Variants in HEPH observed in about 807,000 individuals in gnomAD.
The protein encoded by HEPH is hephaestin.
Under a neutral mutation model 80.8 loss-of-function variants are expected in HEPH, and 69 were observed. That is an observed-to-expected ratio of 0.85 (90% CI 0.70 to 1.04). The LOEUF is 1.04. HEPH is among the 50% of genes least tolerant of loss of function. The pLI is 0.00. For synonymous variants in HEPH, 431 were observed against 322.8 expected, an observed-to-expected ratio of 1.34 and a Z score of -3.60; for missense variants, 1,115 against 891.3, an observed-to-expected ratio of 1.25 and a Z score of -3.20.
intron 15 of HEPH, among the ~76,000 whole-genome samples, chrX:66,249,911 G>A (rs1023061414): frequency 9.0e-6 from 1 of 111,571 alleles, no homozygotes. Flanking sequence ...TGGTGAAGGG[G>A]ATGCATTGTG....
At chrX:66,246,353 T>C (rs1276817468) in intron 15 of HEPH, among the ~76,000 whole-genome samples, 1 of 111,661 alleles carries the variant, frequency 9.0e-6, no homozygotes, top group East Asian at 2.8e-4. Context: ...AGATGTTGGC[T>C]GAGTTTAGGT....
intron 15 of HEPH, among the ~76,000 whole-genome samples, chrX:66,217,158 C>A (rs1427328343): frequency 9.0e-6 from 1 of 111,033 alleles, no homozygotes; most frequent in Non-Finnish European, 1.9e-5. Context: ...GATCTAGACA[C>A]CCCAAAACAG....
intron 17 of HEPH, among the ~76,000 whole-genome samples, chrX:66,258,090 T>C (rs1458611402): frequency 1.8e-5 from 2 of 112,105 alleles, no homozygotes; most frequent in Non-Finnish European, 3.8e-5. Flanking sequence ...GTCTACTGGG[T>C]GTTCTGAGAA....
Position 66,256,185 on chromosome X carries a change from G to A in HEPH, c.2751G>A (p.Met917Ile). Residue 917 changes from methionine to isoleucine, a missense_variant, in exon 17 of 21, where the codon ATG becomes ATA. This residue lies in a region of HEPH where 716 missense variants were observed against 523.5 expected (regional missense o/e 1.37). Transcript: ENST00000343002. The stretch of plus-strand genomic sequence containing the variant: ...AGCCCCATGGAGGACGGAGTGACAT[G>A]GATCGGGAATTTGCATTGTTGTTCT... ...ILEPHGGRSDMDREFALLFLI... is the reference protein window; with the variant it reads ...ILEPHGGRSDIDREFALLFLI... 8.3e-7 allele frequency: 1 copy of A among 1,211,556 alleles called. No individual in the cohort carries two copies. Among genetic ancestry groups the A allele is most frequent in the Non-Finnish European group, 1.1e-6 (1 of 895,255 alleles).
intron 12 of HEPH, among the ~76,000 whole-genome samples, chrX:66,202,816 G>T (rs978559171): frequency 9.4e-6 from 1 of 106,889 alleles, no homozygotes; most frequent in East Asian, 2.9e-4. Context: ...GTGTTTAATT[G>T]TAAAACAACC....
At chrX:66,239,484 A>T (rs1297854949) in intron 15 of HEPH, among the ~76,000 whole-genome samples, 1 of 112,071 alleles carries the variant, frequency 8.9e-6, no homozygotes, top group African/African-American at 3.2e-5. Flanking sequence ...AGTGTTTATA[A>T]ATGGTTAAGA....
chrX:66,179,848 C>A (rs1416120414), intron 4 of HEPH, among the ~76,000 whole-genome samples: 1 of 111,635 alleles, frequency 9.0e-6, no homozygotes, highest in Non-Finnish European at 1.9e-5. Context: ...CTCTTTGTCT[C>A]TTTTAACTGT....
chrX:66,226,972 A>G (rs538466683), intron 15 of HEPH, among the ~76,000 whole-genome samples: 1 of 111,610 alleles, frequency 9.0e-6, no homozygotes, highest in South Asian at 3.8e-4. Context: ...CCAGGAAAGG[A>G]CACAACAAAA....
intron 15 of HEPH, among the ~76,000 whole-genome samples, chrX:66,214,652 A>G (rs2147890824): frequency 9.0e-6 from 1 of 111,421 alleles, no homozygotes; most frequent in South Asian, 3.8e-4. Flanking sequence ...CAAATCTGTA[A>G]TCAGACCAGA....
At position 66,256,128 on chromosome X, in the gene HEPH, G is replaced by A. The variant is rs149935369; in HGVS notation, c.2694G>A (p.Gly898=). The A allele has an allele frequency of 4.1e-5, 49 of 1,208,484 alleles. No individual in the cohort carries two copies. In the African/African-American group the frequency reaches 7.7e-4, roughly 19 times the overall value. The change falls in exon 17 of 21, where the codon GGG becomes GGA. Residue 898 remains glycine, a synonymous_variant. Transcript: ENST00000343002. The part of the protein sequence containing the change: ...PIKDMYSGLV[G]PLAICQKGIL... ...AGGACATGTATAGTGGCCTGGTGGG[G>A]CCCTTGGCTATCTGCCAAAAGGGCA...
At chrX:66,229,373 T>G (rs2090026252) in intron 15 of HEPH, among the ~76,000 whole-genome samples, 1 of 111,907 alleles carries the variant, frequency 8.9e-6, no homozygotes, top group South Asian at 3.7e-4. Flanking sequence ...ATATCGTATA[T>G]TCTCACTCAT....
At position 66,200,859 on chromosome X, in the gene HEPH, G is replaced by A. The variant is rs192456655; in HGVS notation, c.2077+107G>A. The A allele has an allele frequency of 1.0e-4, 59 of 577,408 alleles. 1 individual carries two copies. In the South Asian group the frequency reaches 1.9e-3, roughly 18 times the overall value. 47.6% of individuals were successfully genotyped at this position (577,408 alleles called of 1,213,427 possible). A position where few individuals can be genotyped will look rare whatever the true frequency, so the allele number is the denominator to read the frequency against. ...AGAGAAAATAATAGGCATGTTAAGG[G>A]TTCTAGGAAGTTTTTAAAAACACTT... is the stretch of plus-strand genomic sequence containing the variant. On this transcript the variant is annotated intron_variant, in intron 12 of 20. Transcript: ENST00000343002.
chrX:66,190,974 G>C (rs1284709840), intron 6 of HEPH, among the ~76,000 whole-genome samples: 2 of 111,871 alleles, frequency 1.8e-5, no homozygotes, highest in African/African-American at 6.5e-5. Flanking sequence ...AGCCACCTTT[G>C]ATAAATCATT....
chrX:66,189,585 C>G, intron 5 of HEPH, 99 bp from the exon 6 acceptor site: 1 of 935,386 alleles, frequency 1.1e-6, no homozygotes, highest in East Asian at 3.1e-5. Flanking sequence ...CTGTTTATAA[C>G]CTCATTTAAA....
chrX:66,215,671 T>G (rs1402852163), intron 15 of HEPH, among the ~76,000 whole-genome samples: 2 of 111,429 alleles, frequency 1.8e-5, no homozygotes, highest in African/African-American at 6.5e-5. Context: ...CAGAGCAGCA[T>G]GTGAAGATCC....
At chrX:66,232,019 G>A (rs2090166434) in intron 15 of HEPH, among the ~76,000 whole-genome samples, 1 of 109,136 alleles carries the variant, frequency 9.2e-6, no homozygotes, top group Non-Finnish European at 1.9e-5. Flanking sequence ...GGCTTTTTCT[G>A]CATCTATTGA....
intron 3 of HEPH, 30 bp downstream of exon 3, chrX:66,172,629 T>C (rs1416306725): frequency 1.2e-5 from 13 of 1,103,972 alleles, no homozygotes; most frequent in Non-Finnish European, 1.5e-5. Context: ...CTTTCCCCCA[T>C]GCCCAACAAA....
intron 8 of HEPH, among the ~76,000 whole-genome samples, 160 bp from the exon 9 acceptor site, chrX:66,194,938 C>A (rs749874632): frequency 2.7e-5 from 3 of 112,349 alleles, no homozygotes; most frequent in African/African-American, 9.7e-5. Context: ...TTGTAAATTG[C>A]AATATACTTG....
chrX:66,187,230 T>A (rs2087507712), intron 4 of HEPH, among the ~76,000 whole-genome samples: 1 of 110,972 alleles, frequency 9.0e-6, no homozygotes, highest in Non-Finnish European at 1.9e-5. Context: ...ATAACTAACC[T>A]CCTGAATTCG....
Sources: gnomAD v4.1 joint callset for allele counts (sites outside exome capture counted in the v4.1 genomes callset) on GRCh38, gnomAD v4.1.1 for gene constraint, gnomAD v4.1.1 regional missense constraint, MANE v1.5 for transcripts, NCBI Gene and HGNC (gene_info 2026-07-23, HGNC 2026-07-21) for gene names.